PTPRN: variants seen among roughly 807,000 people sequenced by gnomAD.
PTPRN encodes receptor-type tyrosine-protein phosphatase-like N.
In PTPRN, 70 loss-of-function variants were observed where a neutral mutation model predicts 108.5. The observed-to-expected ratio is 0.65, with a 90% CI of 0.53 to 0.79. The LOEUF is 0.79. Ranked by LOEUF, PTPRN falls within the 30% of genes least tolerant of loss-of-function variation. The pLI, the probability that PTPRN is intolerant of heterozygous loss-of-function variation, is 0.00. For missense variants in PTPRN, 1,136 were observed against 1,295.5 expected, an observed-to-expected ratio of 0.88 and a Z score of 1.89; for synonymous variants, 496 against 524.6, an observed-to-expected ratio of 0.95 and a Z score of 0.75.
Position 219,300,027 on chromosome 2 carries a change from C to CGG in PTPRN, c.1392_1393dup (p.Arg465ProfsTer18). The CGG allele has an allele frequency of 6.2e-7, 1 of 1,614,200 alleles. No individual in the cohort carries two copies. Among genetic ancestry groups the CGG allele is most frequent in the Non-Finnish European group, 8.5e-7 (1 of 1,180,030 alleles). The stretch of plus-strand genomic sequence containing the variant: ...GTAGCCATATTCCTCTGCTGCTGGG[C>CGG]GGGCTGAGGGCTGTCCTGCCACCGT... On this transcript the variant is annotated frameshift_variant, in exon 9 of 23. Transcript: ENST00000295718. LOFTEE classifies it high-confidence loss of function.
At position 219,297,341 on chromosome 2, in the gene PTPRN, C is replaced by A; in HGVS notation, c.1980G>T (p.Gln660His). The change falls in exon 14 of 23, where the codon CAG becomes CAT. Residue 660 changes from glutamine (Q) to histidine (H), a missense_variant. Transcript: ENST00000295718. This position sits in a 1 kb window ranked among gnomAD's most constrained non-coding sequence, Gnocchi z 6.0. ...GGCTGGCCTGGGCTGCGTCGCTGAA[C>A]TGGGAGGACACACTGCTCACCCGTG... ...EPSRVSSVSSQFSDAAQASPS... is the reference protein window; with the variant it reads ...EPSRVSSVSSHFSDAAQASPS... 1 of 1,614,056 alleles carries A rather than the reference C, an allele frequency of 6.2e-7. No homozygotes were observed. The highest frequency in any genetic ancestry group is 8.5e-7 in the Non-Finnish European group (1 of 1,180,034).
Position 219,299,205 on chromosome 2 carries a change from C to G in PTPRN, c.1604-94G>C, listed in dbSNP as rs1952278873. 1.9e-6 allele frequency: 3 copies of G among 1,602,054 alleles called. No individual in the cohort carries two copies. In the East Asian group the frequency reaches 6.7e-5, roughly 36 times the overall value. ...AAGCAGCAGGCAGGGCCCATGTGGG[C>G]TGGGAACATTTCAAGGGGGCATCAG... On this transcript the variant is annotated intron_variant, in intron 11 of 22. Transcript: ENST00000295718.
chr2:219,301,740 A>C, intron 6 of PTPRN, 21 bp from the exon 7 acceptor site: 1 of 1,591,994 alleles, frequency 6.3e-7, no homozygotes, highest in African/African-American at 1.3e-5. Flanking sequence ...CCAGACACAG[A>C]GCTTAGGGCT....
At chr2:219,299,510 G>C in intron 10 of PTPRN, 126 bp from the exon 11 acceptor site, 1 of 1,209,810 alleles carries the variant, frequency 8.3e-7, no homozygotes, top group East Asian at 2.4e-5. Context: ...CCCTACAGGG[G>C]CATCTTAGGC....
In PTPRN at chr2:219,297,711, G is replaced by A. The variant is rs544815071; in HGVS notation, c.1887+174C>T. Among the ~76,000 whole-genome samples the A allele has an allele frequency of 7.2e-5, 11 of 152,200 alleles. No homozygotes were observed. The highest frequency in any genetic ancestry group is 3.9e-4 in the East Asian group (2 of 5,178). On this transcript the variant is annotated intron_variant, in intron 13 of 22. Coordinates refer to ENST00000295718, the MANE Select transcript of PTPRN (RefSeq NM_002846.4). The surrounding 1 kb of genome is among the most constrained non-coding windows in gnomAD (Gnocchi z 6.0). Reference sequence around the variant, plus strand: ...CACTGTATGCTCCCAATTCCCATGCGTTCATAAAGGCCCCTACCATACTCC... The same window carrying A: ...CACTGTATGCTCCCAATTCCCATGCATTCATAAAGGCCCCTACCATACTCC...
Position 219,297,016 on chromosome 2 carries a change from G to C in PTPRN, c.2205C>G (p.Ile735Met). The C allele has an allele frequency of 6.2e-7, 1 of 1,613,992 alleles. No individual in the cohort carries two copies. Among genetic ancestry groups the C allele is most frequent in the African/African-American group, 1.3e-5 (1 of 75,066 alleles). Residue 735 changes from isoleucine (I) to methionine (M), a missense_variant, in exon 15 of 23, where the codon ATC (isoleucine) becomes ATG (methionine). Coordinates refer to ENST00000295718, the MANE Select transcript of PTPRN (RefSeq NM_002846.4). This position sits in a 1 kb window ranked among gnomAD's most constrained non-coding sequence, Gnocchi z 6.0. Reference sequence around the variant, plus strand: ...GGAAGTCAGGATGCCGGTTCTTTTTGATGTTGCCCTCCCCCTGCGCGGTGG... The same window carrying C: ...GGAAGTCAGGATGCCGGTTCTTTTTCATGTTGCCCTCCCCCTGCGCGGTGG... ...TCATAQGEGN[I>M]KKNRHPDFLP...
rs963351057 is a variant in PTPRN, at chr2:219,301,713, G to A, written c.1001C>T (p.Ala334Val). 4 of 1,608,610 alleles carry A rather than the reference G, an allele frequency of 2.5e-6. No individual in the cohort carries two copies. The highest frequency in any genetic ancestry group is 3.4e-6 in the Non-Finnish European group (4 of 1,175,654). Reference protein sequence around the residue: ...PASPAVQPDAALQRLAAVLAG... With the variant: ...PASPAVQPDAVLQRLAAVLAG... Reference sequence around the variant, plus strand: ...CAGCACAGCGGCCAGCCTCTGCAGAGCCGCATCTGCTGGGAGCCAGACACA... The same window carrying A: ...CAGCACAGCGGCCAGCCTCTGCAGAACCGCATCTGCTGGGAGCCAGACACA... The change falls in exon 7 of 23, where the codon GCT (alanine) becomes GTT (valine). Residue 334 changes from alanine to valine, a missense_variant. Ala to Val is a moderately conservative substitution (Grantham distance 64). Coordinates refer to ENST00000295718, the MANE Select transcript of PTPRN (RefSeq NM_002846.4).
At position 219,290,482 on chromosome 2, in the gene PTPRN, G is replaced by T. The variant is rs1014273528; in HGVS notation, c.2868+56C>A. 2 of 1,505,410 alleles carry T rather than the reference G, an allele frequency of 1.3e-6. No homozygotes were observed. Among genetic ancestry groups the T allele is most frequent in the African/African-American group, 1.4e-5 (1 of 72,076 alleles). The allele number at this position is 1,505,410 out of a possible 1,614,324, so 93.3% of individuals were successfully genotyped here. A position where few individuals can be genotyped will look rare whatever the true frequency, so the allele number is the denominator to read the frequency against. ...CTGCTGCTTTCCCTGGGGTGGCCAA[G>T]AAGTGGGTGCTAGGGAAGGGTGGGA... On this transcript the variant is annotated intron_variant, in intron 22 of 22. Transcript: ENST00000295718. The surrounding 1 kb of genome is among the most constrained non-coding windows in gnomAD (Gnocchi z 4.2).
At position 219,309,036 on chromosome 2, in the gene PTPRN, C is replaced by T. The variant is rs1051293537; in HGVS notation, c.115+182G>A. ...TCCCGCCCCCGTATTCCCAGCCCCACCTCCAGGCCTACGCCCCTTTCCTCC... is the reference window on the plus strand; with the variant it reads ...TCCCGCCCCCGTATTCCCAGCCCCATCTCCAGGCCTACGCCCCTTTCCTCC... On this transcript the variant is annotated intron_variant, in intron 1 of 22. Transcript: ENST00000295718. The T allele has an allele frequency of 9.1e-6, 14 of 1,534,186 alleles. No individual in the cohort carries two copies. In the African/African-American group the frequency reaches 1.7e-4, roughly 19 times the overall value.
chr2:219,302,919 GC>G lies in PTPRN; in HGVS notation c.378-83del. ...GCAAGGCAGAACTATTCGGGGCCAG[GC>G]AGGCTCAGCGGTTAAGAGCAGGCCT... is the stretch of plus-strand genomic sequence containing the variant. On this transcript the variant is annotated intron_variant, in intron 4 of 22. Coordinates refer to ENST00000295718, the MANE Select transcript of PTPRN (RefSeq NM_002846.4). 7 of 1,511,358 alleles carry G rather than the reference GC, an allele frequency of 4.6e-6. No homozygotes were observed. The South Asian group carries it at 8.5e-5, about 18-fold the overall frequency. The allele number at this position is 1,511,358 out of a possible 1,614,324, so 93.6% of individuals were successfully genotyped here.
intron 19 of PTPRN, 88 bp from the exon 20 acceptor site, chr2:219,291,611 T>C: frequency 7.5e-7 from 1 of 1,326,362 alleles, no homozygotes; most frequent in Non-Finnish European, 1.1e-6. Flanking sequence ...CTCTCTTTCT[T>C]CCTTTTCTCC....
rs759388784 is a variant in PTPRN, at chr2:219,296,052, G to A, written c.2508+174C>T. 45 of 831,154 alleles carry A rather than the reference G, an allele frequency of 5.4e-5. No homozygotes were observed. The highest frequency in any genetic ancestry group is 7.9e-5 in the Non-Finnish European group (42 of 531,386). 51.5% of individuals were successfully genotyped at this position (831,154 alleles called of 1,614,324 possible). A position where few individuals can be genotyped will look rare whatever the true frequency, so the allele number is the denominator to read the frequency against. On this transcript the variant is annotated intron_variant, in intron 18 of 22. Coordinates refer to ENST00000295718, the MANE Select transcript of PTPRN (RefSeq NM_002846.4). The surrounding 1 kb of genome is among the most constrained non-coding windows in gnomAD (Gnocchi z 6.0). ...CACACATGTATATATGTGAATATAT[G>A]GGTATGCATATATGTGTTTATATAT...
chr2:219,290,863 G>T lies in PTPRN; in HGVS notation c.2757C>A (p.Tyr919Ter). The part of the protein sequence containing the change: ...CSDGAGRTGT[Y>*]ILIDMVLNRM... ...GGTTCAGGACCATGTCGATGAGGAT[G>T]TAGGTGCCGGTCCTCCCCGCACCAT... The change falls in exon 21 of 23, where the codon TAC becomes TAA. Residue 919 changes from tyrosine to a stop codon, truncating the protein, a stop_gained. Transcript: ENST00000295718. LOFTEE classifies it high-confidence loss of function. The surrounding 1 kb of genome is among the most constrained non-coding windows in gnomAD (Gnocchi z 4.2). 8 of 1,614,140 alleles carry T rather than the reference G, an allele frequency of 5.0e-6. No individual in the cohort carries two copies. Among genetic ancestry groups the T allele is most frequent in the Non-Finnish European group, 6.8e-6 (8 of 1,180,002 alleles).
Position 219,298,005 on chromosome 2 carries a change from C to T in PTPRN, c.1767G>A (p.Gly589=), listed in dbSNP as rs545393291. 52 of 1,613,904 alleles carry T rather than the reference C, an allele frequency of 3.2e-5. No individual in the cohort carries two copies. The East Asian group carries it at 1.1e-3, about 35-fold the overall frequency. The change falls in exon 13 of 23, where the codon GGG becomes GGA. Residue 589 remains glycine, a synonymous_variant. Transcript: ENST00000295718. ...GAGCCACAGCCAGAGCCACCAGCAG[C>T]CCAGCCACACCTGCCAGGGCCACCA... The part of the protein sequence containing the change: ...LTLVALAGVA[G]LLVALAVALC...
chr2:219,295,370 G>A, intron 18 of PTPRN: 1 of 516,706 alleles, frequency 1.9e-6, no homozygotes. Flanking sequence ...GCCTCTCGAG[G>A]TCGGAGTTTC....
At chr2:219,309,181 G>GCCCCCCCCCCC in intron 1 of PTPRN, 37 bp downstream of exon 1, 1 of 628,494 alleles carries the variant, frequency 1.6e-6, no homozygotes, top group Non-Finnish European at 2.4e-6. Flanking sequence ...GCTGCTCCCC[G>GCCCCCCCCCCC]CCCCCCACCA....
Position 219,299,450 on chromosome 2 carries a change from G to A in PTPRN, c.1524-66C>T, listed in dbSNP as rs905858262. 5.6e-5 allele frequency: 86 copies of A among 1,527,348 alleles called. No individual in the cohort carries two copies. In the African/African-American group the frequency reaches 1.0e-3, roughly 18 times the overall value. The allele number at this position is 1,527,348 out of a possible 1,614,324, so 94.6% of individuals were successfully genotyped here. ...ACCGCAGACTTCAAAAAAGAGGCCA[G>A]CTCTGGCCCTCTCCCCGTTAGAGGA... On this transcript the variant is annotated intron_variant, in intron 10 of 22. Coordinates refer to ENST00000295718, the MANE Select transcript of PTPRN (RefSeq NM_002846.4).
rs758956972 is a variant in PTPRN, at chr2:219,300,086, T to C, written c.1335A>G (p.Leu445=). 3 of 1,614,160 alleles carry C rather than the reference T, an allele frequency of 1.9e-6. No homozygotes were observed. The East Asian group carries it at 6.7e-5, about 36-fold the overall frequency. Reference sequence around the variant, plus strand: ...TCTGGCCCAGTGGGCTTTTCTTCTCTAGCAGGACAGGTGTCACAGGGGGTC... The same window carrying C: ...TCTGGCCCAGTGGGCTTTTCTTCTCCAGCAGGACAGGTGTCACAGGGGGTC... The part of the protein sequence containing the change: ...AARPPVTPVL[L]EKKSPLGQSQ... Residue 445 remains leucine (L), a synonymous_variant, in exon 9 of 23, where the codon CTA becomes CTG. Coordinates refer to ENST00000295718, the MANE Select transcript of PTPRN (RefSeq NM_002846.4).
At chr2:219,301,372 C>T (rs546293344) in intron 7 of PTPRN, among the ~76,000 whole-genome samples, 20 of 152,192 alleles carry the variant, frequency 1.3e-4, no homozygotes, top group Non-Finnish European at 2.8e-4. Flanking sequence ...TTTTCCATTA[C>T]TTCCACCATC....
Sources: allele counts gnomAD v4.1 joint callset (sites outside exome capture counted in the v4.1 genomes callset), GRCh38; gene constraint gnomAD v4.1.1; non-coding constraint Gnocchi (gnomAD v3.1); transcripts MANE v1.5; gene names NCBI Gene and HGNC (gene_info 2026-07-23, HGNC 2026-07-21).